Variants in GSN observed in about 807,000 individuals in gnomAD.
GSN encodes the protein gelsolin.
GSN carries 56 observed loss-of-function variants against 85.7 expected under a neutral mutation model. The ratio of observed to expected loss-of-function variants is 0.65; its 90% CI spans 0.53 to 0.82. GSN has a LOEUF of 0.82. Ranked by LOEUF, GSN falls within the 40% of genes least tolerant of loss-of-function variation. The pLI is 0.00. For synonymous variants in GSN, 373 were observed against 399.1 expected, an observed-to-expected ratio of 0.93 and a Z score of 0.78; for missense variants, 857 against 979.8, an observed-to-expected ratio of 0.87 and a Z score of 1.67.
At chr9:121,212,639 C>T (rs1434867196) in intron 4 of GSN, among the ~76,000 whole-genome samples, 1 of 149,886 alleles carries the variant, frequency 6.7e-6, no homozygotes, top group African/African-American at 2.4e-5. Flanking sequence ...GGTCTCACTC[C>T]TTGGCCTTTT....
chr9:121,323,532 A>G (rs976792512), intron 11 of GSN, among the ~76,000 whole-genome samples: 9 of 147,066 alleles, frequency 6.1e-5, no homozygotes, highest in African/African-American at 2.3e-4. Context: ...AACACACCCA[A>G]CTAATTTTTG....
intron 14 of GSN, among the ~76,000 whole-genome samples, chr9:121,328,649 C>G (rs1330216207): frequency 1.3e-5 from 2 of 152,222 alleles, no homozygotes; most frequent in Non-Finnish European, 2.9e-5. Flanking sequence ...CTGTCGTCAG[C>G]CTCAAGCCAA....
Position 121,299,660 on chromosome 9 carries a change from G to A in GSN, c.-9-2303G>A, listed in dbSNP as rs1564467613. 2 of 659,144 alleles carry A rather than the reference G, an allele frequency of 3.0e-6. No homozygotes were observed. Among genetic ancestry groups the A allele is most frequent in the Non-Finnish European group, 4.0e-6 (2 of 493,954 alleles). 40.8% of individuals were successfully genotyped at this position (659,144 alleles called of 1,614,324 possible). Reference sequence around the variant, plus strand: ...AGGCCTGGTGCTGGGTCTCCGCCCCGGAGCTGGGGTGCAGGGGCTGCCGCG... The same window carrying A: ...AGGCCTGGTGCTGGGTCTCCGCCCCAGAGCTGGGGTGCAGGGGCTGCCGCG... On this transcript the variant is annotated intron_variant, in intron 2 of 17. Transcript: ENST00000432226. This position sits in a 1 kb window ranked among gnomAD's most constrained non-coding sequence, Gnocchi z 4.2.
intron 2 of GSN, 180 bp downstream of exon 2, chr9:121,281,742 G>A (rs2057393755): frequency 4.2e-6 from 2 of 471,108 alleles, no homozygotes; most frequent in East Asian, 6.9e-5. Flanking sequence ...CTGTCCTTGA[G>A]AGGGAGGTCA....
chr9:121,290,920 T>G (rs1445292296), intron 2 of GSN, among the ~76,000 whole-genome samples: 1 of 152,094 alleles, frequency 6.6e-6, no homozygotes, highest in East Asian at 1.9e-4. Context: ...CAAGTGATCC[T>G]CCCTCCTCAG....
In GSN at chr9:121,299,432, C is replaced by G. The variant is rs546381518; in HGVS notation, c.-9-2531C>G. 3.0e-6 allele frequency: 3 copies of G among 983,712 alleles called. No individual in the cohort carries two copies. The highest frequency in any genetic ancestry group is 9.4e-5 in the South Asian group (2 of 21,258). The allele number at this position is 983,712 out of a possible 1,614,324, so 60.9% of individuals were successfully genotyped here. A position where few individuals can be genotyped will look rare whatever the true frequency, so the allele number is the denominator to read the frequency against. ...TCCCCCCTCTGTAAAATGGGTTGGC[C>G]GTTGTACCCTCTCTGAAAAGGATGT... is the stretch of plus-strand genomic sequence containing the variant. On this transcript the variant is annotated intron_variant, in intron 2 of 17. Coordinates refer to ENST00000432226, the MANE Select transcript of GSN (RefSeq NM_198252.3). This position sits in a 1 kb window ranked among gnomAD's most constrained non-coding sequence, Gnocchi z 4.2.
chr9:121,261,632 C>T lies in GSN; in HGVS notation c.-340-3522C>T, dbSNP rs755609183. Among the ~76,000 whole-genome samples the T allele has an allele frequency of 2.0e-5, 3 of 152,176 alleles. No homozygotes were observed. The highest frequency in any genetic ancestry group is 2.9e-5 in the Non-Finnish European group (2 of 68,032). On this transcript the variant is annotated intron_variant, in intron 6 of 24. Transcript: ENST00000373823. The surrounding 1 kb of genome is among the most constrained non-coding windows in gnomAD (Gnocchi z 4.1). Reference sequence around the variant, plus strand: ...GGCATCCATGAATATGGTTTCCTCCCGTTTTTTATAAGACCCATCCATCTT... The same window carrying T: ...GGCATCCATGAATATGGTTTCCTCCTGTTTTTTATAAGACCCATCCATCTT...
chr9:121,295,981 C>T (rs2059180019), intron 2 of GSN, among the ~76,000 whole-genome samples: 1 of 152,234 alleles, frequency 6.6e-6, no homozygotes, highest in Admixed American at 6.5e-5. Flanking sequence ...TGGCCACAGC[C>T]TGGGGATCTT....
Position 121,329,073 on chromosome 9 carries a change from A to G in GSN, c.1887+58A>G. 1 of 1,603,084 alleles carries G rather than the reference A, an allele frequency of 6.2e-7. No individual in the cohort carries two copies. The highest frequency in any genetic ancestry group is 1.7e-5 in the Admixed American group (1 of 59,248). On this transcript the variant is annotated intron_variant, in intron 15 of 17. Transcript: ENST00000432226. This position sits in a 1 kb window ranked among gnomAD's most constrained non-coding sequence, Gnocchi z 4.6. ...CCCCTCGGGAGGCGAGTTCCACAGG[A>G]CTGGCCGGCAGCAGGGGCAGGAGAA...
Position 121,236,142 on chromosome 9 carries a change from G to C in GSN, c.-389+4839G>C, listed in dbSNP as rs374752350. ...CACCTGGCAGCCACAGGTGTTTCTT[G>C]GTTTGTGGCTGCCTCACTCTAATTC... On this transcript the variant is annotated intron_variant, in intron 5 of 24. Transcript: ENST00000373823. Among the ~76,000 whole-genome samples, 4 of 152,092 alleles carry C rather than the reference G, an allele frequency of 2.6e-5. No individual in the cohort carries two copies. In the East Asian group the frequency reaches 7.7e-4, roughly 29 times the overall value.
chr9:121,202,296 C>A, the GSN span, among the ~76,000 whole-genome samples: 1 of 152,246 alleles, frequency 6.6e-6, no homozygotes, highest in Non-Finnish European at 1.5e-5. Context: ...TTACTGCATT[C>A]ATTCAACGTG....
chr9:121,301,623 C>T (rs1280965286), intron 2 of GSN, among the ~76,000 whole-genome samples: 32 of 121,134 alleles, frequency 2.6e-4, no homozygotes, highest in Non-Finnish European at 5.1e-4. Context: ...GAGACTCTGT[C>T]TCAAAAAAAA....
chr9:121,241,604 T>C (rs753548023), intron 5 of GSN, among the ~76,000 whole-genome samples: 26 of 152,208 alleles, frequency 1.7e-4, no homozygotes, highest in Admixed American at 6.5e-4. Flanking sequence ...AGAGAAAGTA[T>C]TTGGAAGTGT....
intron 2 of GSN, among the ~76,000 whole-genome samples, chr9:121,287,234 G>A (rs377454559): frequency 8.3e-4 from 126 of 152,278 alleles, no homozygotes; most frequent in African/African-American, 2.9e-3. Flanking sequence ...CCGGGAGGCT[G>A]AGGACAGGGG....
Position 121,268,517 on chromosome 9 carries a change from C to T in GSN, c.-103+298C>T, listed in dbSNP as rs748558779. Reference sequence around the variant, plus strand: ...TGAGCTAATAACCTCGACCCCGCCCCCGGGATGGGGGAACTGGCCCGGGGT... The same window carrying T: ...TGAGCTAATAACCTCGACCCCGCCCTCGGGATGGGGGAACTGGCCCGGGGT... On this transcript the variant is annotated intron_variant, in intron 1 of 17. Coordinates refer to ENST00000432226, the MANE Select transcript of GSN (RefSeq NM_198252.3). 2.6e-5 allele frequency among the ~76,000 whole-genome samples: 4 copies of T among 152,160 alleles called. No homozygotes were observed. In the East Asian group the frequency reaches 7.7e-4, roughly 29 times the overall value.
At chr9:121,325,764 C>G (rs554593009) in intron 12 of GSN, among the ~76,000 whole-genome samples, 2 of 152,032 alleles carry the variant, frequency 1.3e-5, no homozygotes, top group African/African-American at 4.8e-5. Context: ...CATCTTAGCT[C>G]AGTGCATCCT....
At chr9:121,331,646 A>C (rs1449718158) in intron 17 of GSN, 198 bp downstream of exon 17, 15 of 568,188 alleles carry the variant, frequency 2.6e-5, no homozygotes, top group Non-Finnish European at 4.4e-5. Flanking sequence ...TTCCTTCAGA[A>C]ACCCTGAGGC....
chr9:121,294,798 C>T (rs1431911545), intron 2 of GSN, among the ~76,000 whole-genome samples: 1 of 152,152 alleles, frequency 6.6e-6, no homozygotes, highest in African/African-American at 2.4e-5. Flanking sequence ...ACTTTGTGAC[C>T]CTGAAAAGTC....
chr9:121,290,731 A>G (rs994614321), intron 2 of GSN, among the ~76,000 whole-genome samples: 1 of 152,274 alleles, frequency 6.6e-6, no homozygotes, highest in Admixed American at 6.5e-5. Context: ...TTTGCACTGC[A>G]CTAATAAAAT....
Sources: allele counts gnomAD v4.1 joint callset (sites outside exome capture counted in the v4.1 genomes callset), GRCh38; gene constraint gnomAD v4.1.1; non-coding constraint Gnocchi (gnomAD v3.1); transcripts MANE v1.5; gene names NCBI Gene and HGNC (gene_info 2026-07-23, HGNC 2026-07-21).